The following SHC4 variants were observed in gnomAD, a reference collection of about 807,000 sequenced individuals.
SHC4 encodes the protein SHC-transforming protein 4.
In SHC4, 41 loss-of-function variants were observed where a neutral mutation model predicts 69.4. That is an observed-to-expected ratio of 0.59 (90% CI 0.46 to 0.77). The LOEUF (loss-of-function observed/expected upper bound fraction) is 0.77. Ranked by LOEUF, SHC4 falls within the 30% of genes least tolerant of loss-of-function variation. The pLI is 0.00. For synonymous variants in SHC4, 318 were observed against 299.3 expected, an observed-to-expected ratio of 1.06 and a Z score of -0.64; for missense variants, 777 against 783.8, an observed-to-expected ratio of 0.99 and a Z score of 0.10.
intron 2 of SHC4, among the ~76,000 whole-genome samples, chr15:48,914,971 G>A (rs1900588890): frequency 6.6e-6 from 1 of 152,118 alleles, no homozygotes; most frequent in Non-Finnish European, 1.5e-5. Flanking sequence ...GACTACTGTA[G>A]GTACCCCATA....
At chr15:48,869,158 A>G (rs1331985696) in intron 5 of SHC4, among the ~76,000 whole-genome samples, 2 of 152,236 alleles carry the variant, frequency 1.3e-5, no homozygotes, top group Non-Finnish European at 2.9e-5. Flanking sequence ...AGGGGAAAAT[A>G]TGTTTAAATG....
At chr15:48,953,508 C>A (rs1901398054) in intron 1 of SHC4, among the ~76,000 whole-genome samples, 1 of 152,124 alleles carries the variant, frequency 6.6e-6, no homozygotes, top group Non-Finnish European at 1.5e-5. Context: ...TACTTATAAG[C>A]ATCAAGGCCA....
At chr15:48,941,336 C>T (rs1051875863) in intron 1 of SHC4, among the ~76,000 whole-genome samples, 2 of 152,126 alleles carry the variant, frequency 1.3e-5, no homozygotes, top group African/African-American at 4.8e-5. Flanking sequence ...TTTTGTGGAA[C>T]ATTATCAGTG....
intron 9 of SHC4, among the ~76,000 whole-genome samples, chr15:48,846,251 A>G (rs1899090812): frequency 6.6e-6 from 1 of 151,960 alleles, no homozygotes; most frequent in African/African-American, 2.4e-5. Flanking sequence ...GAGTTAATTA[A>G]CCTCTCTAAG....
intron 2 of SHC4, among the ~76,000 whole-genome samples, chr15:48,899,841 T>C (rs1900290354): frequency 6.6e-6 from 1 of 152,140 alleles, no homozygotes; most frequent in South Asian, 2.1e-4. Flanking sequence ...AAAATACAGA[T>C]TTCTAGGACT....
At chr15:48,947,370 AAC>A (rs1901294743) in intron 1 of SHC4, 1 of 152,192 alleles carries the variant, frequency 6.6e-6, no homozygotes, top group Non-Finnish European at 1.5e-5. Flanking sequence ...GAGAGAAAAA[AAC>A]ACACACATTG....
chr15:48,929,260 G>C (rs1409451401), intron 1 of SHC4, among the ~76,000 whole-genome samples: 1 of 152,172 alleles, frequency 6.6e-6, no homozygotes, highest in Non-Finnish European at 1.5e-5. Context: ...GCCCGAGAGA[G>C]GAGAAGTTTA....
intron 2 of SHC4, among the ~76,000 whole-genome samples, chr15:48,896,223 TCTCC>T (rs747288477): frequency 1.2e-3 from 179 of 151,064 alleles, no homozygotes; most frequent in Middle Eastern, 3.4e-3. Flanking sequence ...TTTCTCTCTC[TCTCC>T]CTCCCTCCCT....
Position 48,956,411 on chromosome 15 carries a change from C to G in SHC4, c.585+6020G>C, listed in dbSNP as rs145323153. Among the ~76,000 whole-genome samples, 10 of 152,264 alleles carry G rather than the reference C, an allele frequency of 6.6e-5. No homozygotes were observed. In the East Asian group the frequency reaches 1.9e-3, roughly 29 times the overall value. On this transcript the variant is annotated intron_variant, in intron 1 of 11. Transcript: ENST00000332408. The stretch of plus-strand genomic sequence containing the variant: ...TTACCAGGCTATGTGTGTGGCAAGG[C>G]CTTTTTCTCTTGGCTCTTTTGTCCA...
At chr15:48,937,110 T>C (rs887521735) in intron 1 of SHC4, among the ~76,000 whole-genome samples, 1 of 152,256 alleles carries the variant, frequency 6.6e-6, no homozygotes, top group Non-Finnish European at 1.5e-5. Flanking sequence ...TGCTATGTGA[T>C]TCATCATGTG....
chr15:48,908,598 T>C (rs909693180), intron 2 of SHC4, among the ~76,000 whole-genome samples: 1 of 152,246 alleles, frequency 6.6e-6, no homozygotes, highest in African/African-American at 2.4e-5. Flanking sequence ...CGTTTGCTTT[T>C]GGGTTCTTGG....
intron 8 of SHC4, 77 bp from the exon 9 acceptor site, chr15:48,851,325 A>C (rs910083514): frequency 3.6e-6 from 5 of 1,392,646 alleles, no homozygotes; most frequent in Non-Finnish European, 1.0e-6. Flanking sequence ...ATTTATAATA[A>C]TCCCAGAAGA....
At chr15:48,935,120 CA>C (rs1901042943) in intron 1 of SHC4, among the ~76,000 whole-genome samples, 1 of 152,112 alleles carries the variant, frequency 6.6e-6, no homozygotes, top group Non-Finnish European at 1.5e-5. Flanking sequence ...GCAACAACAA[CA>C]AAAGGAATCC....
At chr15:48,960,481 G>A (rs1901527788) in intron 1 of SHC4, among the ~76,000 whole-genome samples, 1 of 152,210 alleles carries the variant, frequency 6.6e-6, no homozygotes, top group Non-Finnish European at 1.5e-5. Context: ...TATGTGCCAT[G>A]TCACTGTGGG....
intron 1 of SHC4, among the ~76,000 whole-genome samples, chr15:48,942,715 G>T (rs533187612): frequency 3.3e-5 from 5 of 152,314 alleles, no homozygotes; most frequent in African/African-American, 1.2e-4. Context: ...TAATCAAAAA[G>T]TTAGGAATGC....
intron 1 of SHC4, among the ~76,000 whole-genome samples, chr15:48,936,455 T>C (rs1901072566): frequency 1.3e-5 from 2 of 152,186 alleles, no homozygotes; most frequent in South Asian, 2.1e-4. Flanking sequence ...CTTCGATGTC[T>C]TTCCCTGCTA....
intron 1 of SHC4, among the ~76,000 whole-genome samples, chr15:48,955,521 A>G (rs976715795): frequency 1.3e-5 from 2 of 152,172 alleles, no homozygotes; most frequent in Admixed American, 6.5e-5. Context: ...GGTTGCAGCA[A>G]TGAATGAAAT....
intron 11 of SHC4, among the ~76,000 whole-genome samples, chr15:48,831,841 T>G (rs1898808739): frequency 6.6e-6 from 1 of 152,386 alleles, no homozygotes; most frequent in African/African-American, 2.4e-5. Context: ...TACTTTCATA[T>G]GCTTTCATGT....
chr15:48,905,192 G>C (rs1385843018), intron 2 of SHC4, among the ~76,000 whole-genome samples: 1 of 152,174 alleles, frequency 6.6e-6, no homozygotes, highest in Non-Finnish European at 1.5e-5. Flanking sequence ...GAGAAGCCTA[G>C]AAACCTCTCC....
Sources: allele counts gnomAD v4.1 joint callset (sites outside exome capture counted in the v4.1 genomes callset), GRCh38; gene constraint gnomAD v4.1.1; transcripts MANE v1.5; gene names NCBI Gene and HGNC (gene_info 2026-07-23, HGNC 2026-07-21).